ARHGEF9: variants seen among roughly 807,000 people sequenced by gnomAD.
ARHGEF9 encodes rho guanine nucleotide exchange factor 9.
ARHGEF9 carries 2 observed loss-of-function variants against 41.3 expected under a neutral mutation model. The ratio of observed to expected loss-of-function variants is 0.05; its 90% confidence interval spans 0.02 to 0.15. ARHGEF9 has a LOEUF of 0.15. ARHGEF9 is among the 10% of genes least tolerant of loss of function. ARHGEF9 has a pLI of 1.00. For missense variants in ARHGEF9, 225 were observed against 424.7 expected, an observed-to-expected ratio of 0.53 and a Z score of 4.13; for synonymous variants, 160 against 154.4, an observed-to-expected ratio of 1.04 and a Z score of -0.27.
chrX:63,688,449 G>A (rs782594401), intron 4 of ARHGEF9, among the ~76,000 whole-genome samples: 9 of 112,167 alleles, frequency 8.0e-5, no homozygotes, highest in East Asian at 2.8e-4. Context: ...ACTGGTAAAC[G>A]TATATAGACA....
chrX:63,665,988 C>T lies in ARHGEF9; in HGVS notation c.975G>A (p.Glu325=), dbSNP rs2049514833. 8.4e-7 allele frequency: 1 copy of T among 1,187,860 alleles called. No individual in the cohort carries two copies. Among genetic ancestry groups the T allele is most frequent in the African/African-American group, 1.9e-5 (1 of 51,447 alleles). Residue 325 remains glutamate (E), a synonymous_variant, in exon 7 of 10, where the codon GAG becomes GAA. Coordinates refer to ENST00000671741, the MANE Select transcript of ARHGEF9 (RefSeq NM_001353921.2). ...AGGCCATCTCCCCAGTGTAGATCAG[C>T]TCCGAGCTCCTGTCTAGGATGTCCT... ...EGEDILDRSS[E]LIYTGEMAWI... is the part of the protein sequence containing the mutation.
chrX:63,714,249 T>C (rs1231129248), intron 2 of ARHGEF9, among the ~76,000 whole-genome samples: 1 of 111,790 alleles, frequency 8.9e-6, no homozygotes, highest in Admixed American at 9.5e-5. Flanking sequence ...CCCCTACTCC[T>C]TCTTCAGGAA....
chrX:63,760,283 A>T (rs2056011877), intron 1 of ARHGEF9, among the ~76,000 whole-genome samples: 1 of 110,754 alleles, frequency 9.0e-6, no homozygotes, highest in Admixed American at 9.6e-5. Context: ...CAGTCTACAG[A>T]TACTGAATCC....
chrX:63,722,662 T>G (rs1447487700), intron 2 of ARHGEF9: 1 of 111,848 alleles, frequency 8.9e-6, no homozygotes. Flanking sequence ...AAAAGTAACA[T>G]TTCCTTGAAA....
At chrX:63,664,978 A>G (rs781868844) in intron 7 of ARHGEF9, among the ~76,000 whole-genome samples, 18 of 112,301 alleles carry the variant, frequency 1.6e-4, no homozygotes, top group Non-Finnish European at 3.0e-4. Flanking sequence ...GGCATTCACT[A>G]CTGGGTGAAG....
intron 2 of ARHGEF9, among the ~76,000 whole-genome samples, chrX:63,723,325 T>A (rs781984878): frequency 9.0e-6 from 1 of 111,478 alleles, no homozygotes; most frequent in South Asian, 3.9e-4. Context: ...TAGAAGGTAG[T>A]AAAACTGTAT....
At chrX:63,685,883 T>C (rs1306438763) in intron 4 of ARHGEF9, among the ~76,000 whole-genome samples, 1 of 111,591 alleles carries the variant, frequency 9.0e-6, no homozygotes, top group Non-Finnish European at 1.9e-5. Flanking sequence ...GATTTTGAGA[T>C]AGGCAAAGAA....
At chrX:63,769,365 T>C (rs2056165286) in intron 1 of ARHGEF9, among the ~76,000 whole-genome samples, 1 of 110,843 alleles carries the variant, frequency 9.0e-6, no homozygotes, top group Admixed American at 9.6e-5. Flanking sequence ...ACTTGGGTGC[T>C]ACTAAAGACA....
At chrX:63,640,157 T>C (rs1385411790) in intron 9 of ARHGEF9, 2 of 112,495 alleles carry the variant, frequency 1.8e-5, no homozygotes, top group Non-Finnish European at 3.8e-5. Context: ...TTTAAGGTGA[T>C]AGATATCCTA....
At chrX:63,777,248 AGAG>A (rs1480639307) in intron 1 of ARHGEF9, among the ~76,000 whole-genome samples, 9 of 111,627 alleles carry the variant, frequency 8.1e-5, no homozygotes, top group African/African-American at 2.9e-4. Flanking sequence ...TGTAGAGAAA[AGAG>A]GAGGAAAAGC....
intron 1 of ARHGEF9, chrX:63,755,690 G>C: frequency 4.6e-6 from 1 of 215,981 alleles, no homozygotes; most frequent in Non-Finnish European, 6.8e-6. Context: ...AGGTGCTTTT[G>C]GCCACTGCCT....
intron 3 of ARHGEF9, chrX:63,703,384 T>C (rs191791394): frequency 1.8e-5 from 2 of 112,261 alleles, no homozygotes; most frequent in African/African-American, 6.5e-5. Flanking sequence ...GGACTTCCAC[T>C]GGGCTAGTAC....
At chrX:63,652,555 C>T (rs1346632592) in intron 8 of ARHGEF9, among the ~76,000 whole-genome samples, 2 of 110,924 alleles carry the variant, frequency 1.8e-5, no homozygotes, top group Non-Finnish European at 3.8e-5. Context: ...GTCCTGGAAC[C>T]AATATCCCGT....
rs569524783 is a variant in ARHGEF9, at chrX:63,767,801, G to T, written c.30+17315C>A. Among the ~76,000 whole-genome samples, 31 of 112,034 alleles carry T rather than the reference G, an allele frequency of 2.8e-4. No individual in the cohort carries two copies. The South Asian group carries it at 0.012, about 42-fold the overall frequency. On this transcript the variant is annotated intron_variant, in intron 1 of 9. Transcript: ENST00000671741. Reference sequence around the variant, plus strand: ...AGGAGGCTGGGCAGCGTTCACTCCTGGCAAGTGAGAAGAGTAATGACCAAA... The same window carrying T: ...AGGAGGCTGGGCAGCGTTCACTCCTTGCAAGTGAGAAGAGTAATGACCAAA...
chrX:63,659,134 C>T (rs2049059053), intron 7 of ARHGEF9, among the ~76,000 whole-genome samples: 1 of 112,477 alleles, frequency 8.9e-6, no homozygotes. Flanking sequence ...CTGTGCCCAG[C>T]ACTCTATCTT....
In ARHGEF9 at chrX:63,644,097, A is replaced by C. The variant is rs56401522; in HGVS notation, c.1322-49T>G. ...TTTTAAATGAGAAACACACACCCTTACTGAGTGTATAAATGAGTAAACTTT... is the reference window on the plus strand; with the variant it reads ...TTTTAAATGAGAAACACACACCCTTCCTGAGTGTATAAATGAGTAAACTTT... On this transcript the variant is annotated intron_variant, in intron 8 of 9. Coordinates refer to ENST00000671741, the MANE Select transcript of ARHGEF9 (RefSeq NM_001353921.2). 15,860 of 982,713 alleles carry C rather than the reference A, an allele frequency of 0.016. 302 individuals carry two copies. The highest frequency in any genetic ancestry group is 0.1 in the African/African-American group (5,224 of 52,286). The allele number at this position is 982,713 out of a possible 1,213,427, so 81.0% of individuals were successfully genotyped here. A position where few individuals can be genotyped will look rare whatever the true frequency, so the allele number is the denominator to read the frequency against.
Position 63,637,771 on chromosome X carries a change from C to T in ARHGEF9, c.*257G>A, listed in dbSNP as rs2047376106. The T allele has an allele frequency of 7.3e-6, 2 of 274,940 alleles. No homozygotes were observed. Among genetic ancestry groups the T allele is most frequent in the Admixed American group, 1.2e-4 (2 of 16,944 alleles). 22.7% of individuals were successfully genotyped at this position (274,940 alleles called of 1,213,427 possible). On this transcript the variant is annotated 3_prime_UTR_variant, in exon 10 of 10. Coordinates refer to ENST00000671741, the MANE Select transcript of ARHGEF9 (RefSeq NM_001353921.2). ...AAGACGGAATCACATGTTTGGAAGT[C>T]ATTGGTACCTCTTCCTACCAACCAC...
chrX:63,708,301 A>G (rs1397542194), intron 2 of ARHGEF9, among the ~76,000 whole-genome samples: 1 of 112,280 alleles, frequency 8.9e-6, no homozygotes, highest in Non-Finnish European at 1.9e-5. Flanking sequence ...CAGGCCTTTA[A>G]GGAATAAGAA....
Position 63,724,690 on chromosome X carries a change from C to G in ARHGEF9, c.52G>C (p.Val18Leu). Residue 18 changes from valine to leucine, a missense_variant, in exon 2 of 10, where the codon GTT becomes CTT. Transcript: ENST00000671741. ...TGATCCCATACTGCCTCAGCACTAACGATGGAATCTCCAGTGATCAGCTTA... is the reference window on the plus strand; with the variant it reads ...TGATCCCATACTGCCTCAGCACTAAGGATGGAATCTCCAGTGATCAGCTTA... ...SGMLITGDSI[V>L]SAEAVWDHVT... is the part of the protein sequence containing the mutation. The G allele has an allele frequency of 8.3e-7, 1 of 1,211,504 alleles. No individual in the cohort carries two copies. The highest frequency in any genetic ancestry group is 1.1e-6 in the Non-Finnish European group (1 of 895,393).
Sources: gnomAD v4.1 joint callset for allele counts (sites outside exome capture counted in the v4.1 genomes callset) on GRCh38, gnomAD v4.1.1 for gene constraint, MANE v1.5 for transcripts, NCBI Gene and HGNC (gene_info 2026-07-23, HGNC 2026-07-21) for gene names.